KIAA1328: variants seen among roughly 807,000 people sequenced by gnomAD.
KIAA1328 encodes the protein KIAA1328, also known as protein hinderin.
KIAA1328 carries 52 observed loss-of-function variants against 68.1 expected under a neutral mutation model. The observed-to-expected ratio is 0.76, with a 90% CI of 0.61 to 0.96. KIAA1328 has a LOEUF of 0.96. KIAA1328 is among the 40% of genes least tolerant of loss of function. The pLI, the probability that KIAA1328 is intolerant of heterozygous loss-of-function variation, is 0.00. For missense variants in KIAA1328, 641 were observed against 677.6 expected, an observed-to-expected ratio of 0.95 and a Z score of 0.60; for synonymous variants, 232 against 239.4, an observed-to-expected ratio of 0.97 and a Z score of 0.28.
chr18:37,007,462 A>G (rs893132457), intron 6 of KIAA1328, among the ~76,000 whole-genome samples: 1 of 152,214 alleles, frequency 6.6e-6, no homozygotes, highest in African/African-American at 2.4e-5. Flanking sequence ...TGAAAGAACA[A>G]GTATTTAAGT....
At chr18:37,051,232 CA>C (rs34358140) in intron 6 of KIAA1328, among the ~76,000 whole-genome samples, 130,895 of 146,384 alleles carry the variant, frequency 0.89, 60,190 homozygotes, top group Non-Finnish European at 1. Context: ...AAATTGAGAG[CA>C]AAAAAAAAAA....
intron 4 of KIAA1328, among the ~76,000 whole-genome samples, chr18:36,884,061 T>C (rs942675463): frequency 1.3e-5 from 2 of 151,478 alleles, no homozygotes; most frequent in Non-Finnish European, 2.9e-5. Flanking sequence ...TCTAGCCTTT[T>C]TTCTTTCTTA....
chr18:36,847,278 G>T (rs1225814736), intron 4 of KIAA1328, among the ~76,000 whole-genome samples: 1 of 151,456 alleles, frequency 6.6e-6, no homozygotes, highest in African/African-American at 2.4e-5. Context: ...TTCAGTAAAT[G>T]CTCAATTATA....
At chr18:37,081,278 C>T (rs553943166) in intron 7 of KIAA1328, among the ~76,000 whole-genome samples, 5 of 152,112 alleles carry the variant, frequency 3.3e-5, no homozygotes, top group East Asian at 1.9e-4. Context: ...CACCGTGCCC[C>T]GCCAGGACAT....
chr18:37,147,953 C>T (rs1004898471), intron 7 of KIAA1328, among the ~76,000 whole-genome samples: 16 of 151,952 alleles, frequency 1.1e-4, no homozygotes, highest in Non-Finnish European at 2.4e-4. Context: ...AGGCTACAAA[C>T]TTGTAGGGCA....
At chr18:36,882,393 G>C (rs2048353383) in intron 4 of KIAA1328, among the ~76,000 whole-genome samples, 1 of 152,160 alleles carries the variant, frequency 6.6e-6, no homozygotes, top group Admixed American at 6.5e-5. Context: ...TAAGAAGACA[G>C]ATTTCATAAT....
intron 7 of KIAA1328, among the ~76,000 whole-genome samples, chr18:37,144,483 GATTTTAAA>G: frequency 6.6e-6 from 1 of 151,714 alleles, no homozygotes; most frequent in Non-Finnish European, 1.5e-5. Context: ...TTACATCACT[GATTTTAAA>G]CTCTTTTCTA....
At chr18:37,104,509 T>C (rs1313123609) in intron 7 of KIAA1328, among the ~76,000 whole-genome samples, 1 of 152,008 alleles carries the variant, frequency 6.6e-6, no homozygotes, top group Non-Finnish European at 1.5e-5. Context: ...TGAAAGGTGG[T>C]GTGGGAGGAA....
At chr18:37,221,947 C>T in intron 9 of KIAA1328, 70 bp from the exon 10 acceptor site, 7 of 1,468,822 alleles carry the variant, frequency 4.8e-6, no homozygotes, top group Non-Finnish European at 5.6e-6. Context: ...CAGCCCATTT[C>T]TGCTGGGCTT....
intron 7 of KIAA1328, among the ~76,000 whole-genome samples, chr18:37,098,264 T>C (rs1306035874): frequency 6.6e-6 from 1 of 152,246 alleles, no homozygotes; most frequent in East Asian, 1.9e-4. Context: ...ACCTAATTTA[T>C]TGAGAGTTTT....
At chr18:37,104,592 G>A (rs2057717097) in intron 7 of KIAA1328, among the ~76,000 whole-genome samples, 2 of 152,160 alleles carry the variant, frequency 1.3e-5, no homozygotes, top group African/African-American at 2.4e-5. Flanking sequence ...GATAGCACAG[G>A]AGGCTGGCTA....
chr18:36,953,630 A>G (rs534381249), intron 5 of KIAA1328, among the ~76,000 whole-genome samples: 45 of 152,228 alleles, frequency 3.0e-4, no homozygotes, highest in African/African-American at 9.9e-4. Context: ...TTGATCTAAT[A>G]CAGAACTAAA....
chr18:37,087,571 A>T (rs1261229960), intron 7 of KIAA1328, among the ~76,000 whole-genome samples: 1 of 152,174 alleles, frequency 6.6e-6, no homozygotes, highest in African/African-American at 2.4e-5. Flanking sequence ...ATCCACCTAT[A>T]TTGTGAAGCA....
intron 4 of KIAA1328, among the ~76,000 whole-genome samples, chr18:36,863,243 G>A (rs1167619943): frequency 6.6e-6 from 1 of 151,722 alleles, no homozygotes; most frequent in Non-Finnish European, 1.5e-5. Flanking sequence ...TAACATGTGA[G>A]GTTGAGGTTC....
At chr18:37,132,742 T>G (rs1226722888) in intron 7 of KIAA1328, among the ~76,000 whole-genome samples, 1 of 152,212 alleles carries the variant, frequency 6.6e-6, no homozygotes, top group Non-Finnish European at 1.5e-5. Context: ...GCTGGAAGAT[T>G]TCTTACTTTA....
chr18:37,183,817 G>C (rs1221114551), intron 9 of KIAA1328, among the ~76,000 whole-genome samples: 1 of 152,156 alleles, frequency 6.6e-6, no homozygotes, highest in Non-Finnish European at 1.5e-5. Flanking sequence ...AATTTCCTAA[G>C]GAAACATTCC....
intron 4 of KIAA1328, among the ~76,000 whole-genome samples, chr18:36,863,236 CAT>C (rs2047626872): frequency 6.6e-6 from 1 of 151,544 alleles, no homozygotes; most frequent in East Asian, 1.9e-4. Context: ...TTTTGAATAA[CAT>C]GTGAGGTTGA....
chr18:37,036,284 C>T (rs1462994782), intron 6 of KIAA1328, among the ~76,000 whole-genome samples: 1 of 152,154 alleles, frequency 6.6e-6, no homozygotes, highest in Non-Finnish European at 1.5e-5. Context: ...AGCAGTTTGT[C>T]CTGACCTTCT....
At chr18:37,024,779 G>C (rs1361094386) in intron 6 of KIAA1328, among the ~76,000 whole-genome samples, 4 of 152,070 alleles carry the variant, frequency 2.6e-5, no homozygotes, top group Non-Finnish European at 2.9e-5. Context: ...GTCTATCATT[G>C]TTGGACATTT....
Sources: allele counts gnomAD v4.1 joint callset (sites outside exome capture counted in the v4.1 genomes callset), GRCh38; gene constraint gnomAD v4.1.1; transcripts MANE v1.5; gene names NCBI Gene and HGNC (gene_info 2026-07-23, HGNC 2026-07-21).